CACNA1C: variants seen among roughly 807,000 people sequenced by gnomAD.
CACNA1C encodes the protein voltage-dependent L-type calcium channel subunit alpha-1C.
A neutral mutation model predicts 229.0 loss-of-function variants in CACNA1C; 30 were observed. The observed-to-expected ratio is 0.13, with a 90% CI of 0.10 to 0.18. CACNA1C has a LOEUF of 0.18. Ranked by LOEUF, CACNA1C falls within the 10% of genes least tolerant of loss-of-function variation. CACNA1C has a pLI of 1.00. For synonymous variants in CACNA1C, 1,114 were observed against 1,132.5 expected, an observed-to-expected ratio of 0.98 and a Z score of 0.33; for missense variants, 1,658 against 2,845.0, an observed-to-expected ratio of 0.58 and a Z score of 9.49.
At chr12:2,183,421 G>A (rs992912589) in intron 3 of CACNA1C, among the ~76,000 whole-genome samples, 6 of 152,196 alleles carry the variant, frequency 3.9e-5, no homozygotes, top group African/African-American at 1.4e-4. Flanking sequence ...CAAAGTTTGG[G>A]CTGCCTTCTC....
rs924691648 is a variant in CACNA1C, at chr12:2,512,300, T to C, written c.1218-512T>C. Among the ~76,000 whole-genome samples, 1 of 152,094 alleles carries C rather than the reference T, an allele frequency of 6.6e-6. No individual in the cohort carries two copies. Among genetic ancestry groups the C allele is most frequent in the Non-Finnish European group, 1.5e-5 (1 of 68,004 alleles). Reference sequence around the variant, plus strand: ...CAGAGTTGGGAAGAGACATGAATGATTGGCTCTCAGGACCTGGGGCGAGTG... The same window carrying C: ...CAGAGTTGGGAAGAGACATGAATGACTGGCTCTCAGGACCTGGGGCGAGTG... On this transcript the variant is annotated intron_variant, in intron 8 of 46. Coordinates refer to ENST00000399655, the MANE Select transcript of CACNA1C (RefSeq NM_000719.7). This position sits in a 1 kb window ranked among gnomAD's most constrained non-coding sequence, Gnocchi z 4.3.
chr12:2,425,384 G>A (rs2099020020), intron 3 of CACNA1C, among the ~76,000 whole-genome samples: 1 of 152,228 alleles, frequency 6.6e-6, no homozygotes, highest in South Asian at 2.1e-4. Context: ...GTAGCTTCAA[G>A]GAAGTGGAAT....
intron 3 of CACNA1C, among the ~76,000 whole-genome samples, chr12:2,417,525 C>G (rs2098924595): frequency 6.6e-6 from 1 of 152,208 alleles, no homozygotes; most frequent in South Asian, 2.1e-4. Context: ...CCAAGGACCT[C>G]TTTCTGGCCT....
intron 5 of CACNA1C, among the ~76,000 whole-genome samples, chr12:2,483,265 G>A (rs890821772): frequency 6.6e-6 from 1 of 152,238 alleles, no homozygotes; most frequent in African/African-American, 2.4e-5. Flanking sequence ...GAAGGAGGCA[G>A]GTTAGTTTAC....
chr12:2,070,502 T>G (rs1298239244), intron 1 of CACNA1C, among the ~76,000 whole-genome samples: 1 of 152,256 alleles, frequency 6.6e-6, no homozygotes, highest in Non-Finnish European at 1.5e-5. Flanking sequence ...TGAAATTTTC[T>G]TTTATTCCTT....
At chr12:2,378,773 A>C (rs10848653) in intron 3 of CACNA1C, among the ~76,000 whole-genome samples, 2 of 145,958 alleles carry the variant, frequency 1.4e-5, no homozygotes, top group East Asian at 4.1e-4. Flanking sequence ...TTGTTTGTTT[A>C]TTTGGGTCCT....
At chr12:2,497,715 T>A (rs529348202) in intron 7 of CACNA1C, among the ~76,000 whole-genome samples, 1 of 152,268 alleles carries the variant, frequency 6.6e-6, no homozygotes, top group Admixed American at 6.5e-5. Context: ...GATTTTTTTT[T>A]ACAAGTTAAA....
At chr12:2,500,525 A>G (rs74053460) in intron 7 of CACNA1C, among the ~76,000 whole-genome samples, 1 of 151,984 alleles carries the variant, frequency 6.6e-6, no homozygotes, top group Admixed American at 6.6e-5. Flanking sequence ...ATCGAGCCCA[A>G]CTCCCACTCG....
intron 1 of CACNA1C, among the ~76,000 whole-genome samples, chr12:2,100,521 A>C (rs12372032): frequency 0.57 from 75,911 of 134,110 alleles, 23,055 homozygotes; most frequent in Non-Finnish European, 0.66. Flanking sequence ...AGCCTGATGC[A>C]GGAGGATCAC....
intron 3 of CACNA1C, among the ~76,000 whole-genome samples, chr12:2,405,397 C>T (rs1459120602): frequency 6.6e-6 from 1 of 152,208 alleles, no homozygotes; most frequent in East Asian, 1.9e-4. Flanking sequence ...CCCGTGTGCA[C>T]ATTTAGACAC....
At chr12:2,552,312 T>C (rs550636428) in intron 10 of CACNA1C, among the ~76,000 whole-genome samples, 8 of 74,198 alleles carry the variant, frequency 1.1e-4, no homozygotes, top group Middle Eastern at 6.4e-3. Flanking sequence ...TGCAAATAAA[T>C]AGGCAACTAT....
intron 9 of CACNA1C, among the ~76,000 whole-genome samples, chr12:2,540,298 G>A (rs956526250): frequency 2.0e-5 from 3 of 152,036 alleles, no homozygotes; most frequent in Admixed American, 1.3e-4. Flanking sequence ...GTTATTCTAG[G>A]GAGAGGGTGA....
In CACNA1C at chr12:2,077,861, G is replaced by A. The variant is rs143490045; in HGVS notation, c.49+24250G>A. Among the ~76,000 whole-genome samples the A allele has an allele frequency of 3.8e-3, 579 of 152,250 alleles. 2 individuals are homozygous for A. Among genetic ancestry groups the A allele is most frequent in the African/African-American group, 0.013 (547 of 41,528 alleles). ...TCACCTTTGAGAGAGCAAAACTCTC[G>A]GGCTGTATCAACCACATGTGTGGCA... On this transcript the variant is annotated intron_variant, in intron 1 of 46. Transcript: ENST00000399655.
chr12:2,664,709 C>A, intron 34 of CACNA1C, 116 bp from the exon 35 acceptor site: 2 of 750,890 alleles, frequency 2.7e-6, no homozygotes, highest in Non-Finnish European at 4.0e-6. Context: ...ACATCAAGTT[C>A]ATTTTAGTAA....
At chr12:2,576,932 A>G (rs933656794) in intron 13 of CACNA1C, among the ~76,000 whole-genome samples, 31 of 152,176 alleles carry the variant, frequency 2.0e-4, no homozygotes, top group Non-Finnish European at 4.3e-4. Context: ...CATTTCAGCA[A>G]TTCCTTTGTC....
In CACNA1C at chr12:2,067,354, T is replaced by C. The variant is rs753216428; in HGVS notation, c.49+13743T>C. On this transcript the variant is annotated intron_variant, in intron 1 of 46. Transcript: ENST00000399655. This position sits in a 1 kb window ranked among gnomAD's most constrained non-coding sequence, Gnocchi z 5.3. ...GCACAAAGGGCCAGGTGGACTTTCT[T>C]TGGGGAGCATAACAGGAAGAAGATG... Among the ~76,000 whole-genome samples the C allele has an allele frequency of 2.0e-5, 3 of 151,788 alleles. No homozygotes were observed. Among genetic ancestry groups the C allele is most frequent in the Non-Finnish European group, 2.9e-5 (2 of 67,952 alleles).
chr12:2,691,270 T>A lies in CACNA1C; in HGVS notation c.*71T>A. ...CTAATGGGTTCGTTTCAGAAGTGCC[T>A]CACTGTTCTCGTGACCTGGAGTTAA... On this transcript the variant is annotated 3_prime_UTR_variant, in exon 47 of 47. Coordinates refer to ENST00000399655, the MANE Select transcript of CACNA1C (RefSeq NM_000719.7). 1 of 1,385,762 alleles carries A rather than the reference T, an allele frequency of 7.2e-7. No individual in the cohort carries two copies. The highest frequency in any genetic ancestry group is 9.6e-7 in the Non-Finnish European group (1 of 1,042,758). The allele number at this position is 1,385,762 out of a possible 1,614,324, so 85.8% of individuals were successfully genotyped here.
chr12:2,077,550 C>T (rs544945383), intron 1 of CACNA1C, among the ~76,000 whole-genome samples: 1 of 152,234 alleles, frequency 6.6e-6, no homozygotes, highest in African/African-American at 2.4e-5. Context: ...ATTCTCACAA[C>T]AACCCTGTGT....
chr12:2,585,936 G>C lies in CACNA1C; in HGVS notation c.2530+32G>C, dbSNP rs774410424. The C allele has an allele frequency of 4.0e-5, 56 of 1,384,910 alleles. 1 individual carries two copies. The South Asian group carries it at 7.2e-4, about 18-fold the overall frequency. 85.8% of individuals were successfully genotyped at this position (1,384,910 alleles called of 1,614,324 possible). A position where few individuals can be genotyped will look rare whatever the true frequency, so the allele number is the denominator to read the frequency against. ...GTCCCACTGCCTAACCTGGGATTGG[G>C]AGATTGGGGGCAGAGATCTAAATTC... On this transcript the variant is annotated intron_variant, in intron 18 of 46. Coordinates refer to ENST00000399655, the MANE Select transcript of CACNA1C (RefSeq NM_000719.7). This position sits in a 1 kb window ranked among gnomAD's most constrained non-coding sequence, Gnocchi z 4.1.
Sources: allele counts gnomAD v4.1 joint callset (sites outside exome capture counted in the v4.1 genomes callset), GRCh38; gene constraint gnomAD v4.1.1; non-coding constraint Gnocchi (gnomAD v3.1); transcripts MANE v1.5; gene names NCBI Gene and HGNC (gene_info 2026-07-23, HGNC 2026-07-21).